Variants in DNAH14 observed in about 807,000 individuals in gnomAD.
DNAH14 encodes the protein axonemal beta dynein heavy chain 14.
A neutral mutation model predicts 520.9 loss-of-function variants in DNAH14; 478 were observed. The ratio of observed to expected loss-of-function variants is 0.92; its 90% confidence interval spans 0.85 to 0.99. DNAH14 has a LOEUF of 0.99. Among genes scored for constraint, DNAH14 ranks in the 50% least tolerant of loss-of-function variants. The pLI is 0.00. For synonymous variants in DNAH14, 1,581 were observed against 1,757.2 expected, an observed-to-expected ratio of 0.90 and a Z score of 2.51; for missense variants, 4,831 against 5,234.5, an observed-to-expected ratio of 0.92 and a Z score of 2.38.
intron 3 of DNAH14, among the ~76,000 whole-genome samples, chr1:224,959,080 G>C (rs1453226379): frequency 1.3e-5 from 2 of 152,110 alleles, no homozygotes; most frequent in African/African-American, 4.8e-5. Flanking sequence ...AGGGTTGCAT[G>C]TCAGTAGTGC....
intron 75 of DNAH14, among the ~76,000 whole-genome samples, chr1:225,363,844 A>T (rs2095521898): frequency 6.6e-6 from 1 of 152,232 alleles, no homozygotes. Flanking sequence ...TTACAAAGAA[A>T]AAAGTCTGTA....
chr1:225,274,949 C>G (rs2093429840), intron 52 of DNAH14, among the ~76,000 whole-genome samples: 1 of 152,224 alleles, frequency 6.6e-6, no homozygotes, highest in Non-Finnish European at 1.5e-5. Context: ...CATATCATTA[C>G]TCACTTTACA....
At chr1:225,361,878 C>CAATT (rs2095496187) in intron 75 of DNAH14, among the ~76,000 whole-genome samples, 1 of 152,032 alleles carries the variant, frequency 6.6e-6, no homozygotes, top group East Asian at 1.9e-4. Context: ...ATCAATCAAT[C>CAATT]AATACTATTA....
chr1:225,336,880 C>A (rs1038544037), intron 66 of DNAH14, among the ~76,000 whole-genome samples: 1 of 152,026 alleles, frequency 6.6e-6, no homozygotes, highest in Non-Finnish European at 1.5e-5. Context: ...TTGGTAGGTG[C>A]GAAATAGACT....
Position 224,960,097 on chromosome 1 carries a change from A to G in DNAH14, c.218-56A>G, listed in dbSNP as rs146638167. ...GTATTGCTGGGTATGTGGAATTACT[A>G]TGGTATTATTTACAGCTCACACTAG... is the stretch of plus-strand genomic sequence containing the variant. On this transcript the variant is annotated intron_variant, in intron 3 of 85. Coordinates refer to ENST00000682510, the MANE Select transcript of DNAH14 (RefSeq NM_001367479.1). 361 of 1,456,064 alleles carry G rather than the reference A, an allele frequency of 2.5e-4. 1 individual carries two copies. In the African/African-American group the frequency reaches 4.1e-3, roughly 17 times the overall value. The allele number at this position is 1,456,064 out of a possible 1,614,324, so 90.2% of individuals were successfully genotyped here.
At position 225,398,539 on chromosome 1, in the gene DNAH14, C is replaced by T; in HGVS notation, c.13511C>T (p.Thr4504Ile). Reference protein sequence around the residue: ...RAFKGSASSHTGVYIFGLFIE... With the variant: ...RAFKGSASSHIGVYIFGLFIE... Reference sequence around the variant, plus strand: ...TCTTAGGGCTCAGCTTCCTCTCACACTGGAGTTTACATTTTTGGTTTATTC... The same window carrying T: ...TCTTAGGGCTCAGCTTCCTCTCACATTGGAGTTTACATTTTTGGTTTATTC... The change falls in exon 85 of 86, where the codon ACT becomes ATT. Residue 4504 changes from threonine to isoleucine, a missense_variant. Coordinates refer to ENST00000682510, the MANE Select transcript of DNAH14 (RefSeq NM_001367479.1). 6.4e-7 allele frequency: 1 copy of T among 1,551,694 alleles called. No individual in the cohort carries two copies.
chr1:225,110,436 C>T (rs963216266), intron 23 of DNAH14, among the ~76,000 whole-genome samples: 3 of 151,810 alleles, frequency 2.0e-5, no homozygotes, highest in Admixed American at 1.3e-4. Context: ...TTATCCATTC[C>T]TACTAGATCT....
chr1:225,217,486 C>A (rs1453797936), intron 41 of DNAH14, among the ~76,000 whole-genome samples: 2 of 152,134 alleles, frequency 1.3e-5, no homozygotes, highest in Admixed American at 1.3e-4. Flanking sequence ...TTCAGCTATG[C>A]CCTGCCCCCA....
intron 49 of DNAH14, among the ~76,000 whole-genome samples, chr1:225,267,184 A>T (rs1373549866): frequency 6.6e-6 from 1 of 152,152 alleles, no homozygotes; most frequent in East Asian, 1.9e-4. Context: ...CTTTATCTTA[A>T]GATCACAGAT....
At chr1:224,961,649 A>G (rs752090015) in intron 4 of DNAH14, among the ~76,000 whole-genome samples, 8 of 152,138 alleles carry the variant, frequency 5.3e-5, no homozygotes, top group Non-Finnish European at 1.0e-4. Context: ...AACCACCCCC[A>G]TGATCCACTT....
At chr1:225,118,706 A>T (rs1042944876) in intron 25 of DNAH14, among the ~76,000 whole-genome samples, 6 of 151,972 alleles carry the variant, frequency 3.9e-5, no homozygotes, top group African/African-American at 1.5e-4. Context: ...AACATGGTGA[A>T]ACCCTATCTC....
At chr1:225,192,080 A>T (rs1384611726) in intron 37 of DNAH14, among the ~76,000 whole-genome samples, 2 of 152,062 alleles carry the variant, frequency 1.3e-5, no homozygotes, top group Non-Finnish European at 2.9e-5. Context: ...ATACATCTTG[A>T]TGCATATGGC....
chr1:224,967,580 A>C lies in DNAH14; in HGVS notation c.648A>C (p.Ser216=). The change falls in exon 6 of 86, where the codon TCA becomes TCC. Residue 216 remains serine (S), a synonymous_variant. Coordinates refer to ENST00000682510, the MANE Select transcript of DNAH14 (RefSeq NM_001367479.1). ...EFWVITASFI[S]KVINIVGSVK... ...GGGTTATTACTGCTTCATTTATCTC[A>C]AAGGTAATGTTTAATGGATGTTTTA... The C allele has an allele frequency of 1.2e-6, 2 of 1,601,334 alleles. No homozygotes were observed. The highest frequency in any genetic ancestry group is 1.7e-6 in the Non-Finnish European group (2 of 1,176,100).
At position 225,249,122 on chromosome 1, in the gene DNAH14, G is replaced by A. The variant is rs547286178; in HGVS notation, c.6749-3179G>A. Among the ~76,000 whole-genome samples, 5 of 152,258 alleles carry A rather than the reference G, an allele frequency of 3.3e-5. No homozygotes were observed. In the South Asian group the frequency reaches 1.0e-3, roughly 32 times the overall value. ...TCGTAGAGCCAATCCTCAGTCCACA[G>A]ACCTCAAACCAATACTGCATCCTGG... On this transcript the variant is annotated intron_variant, in intron 43 of 85. Coordinates refer to ENST00000682510, the MANE Select transcript of DNAH14 (RefSeq NM_001367479.1).
At chr1:225,220,090 T>C (rs2089889881) in intron 41 of DNAH14, among the ~76,000 whole-genome samples, 2 of 152,194 alleles carry the variant, frequency 1.3e-5, no homozygotes, top group African/African-American at 2.4e-5. Context: ...AGAAAAGGCC[T>C]TCGATATAAT....
intron 42 of DNAH14, among the ~76,000 whole-genome samples, chr1:225,234,518 G>C (rs114972318): frequency 7.6e-4 from 115 of 152,182 alleles, no homozygotes; most frequent in Non-Finnish European, 1.1e-3. Flanking sequence ...GGATTGGTTT[G>C]GCTATTCAGG....
chr1:225,067,479 C>G (rs1412946231), intron 17 of DNAH14, among the ~76,000 whole-genome samples: 5 of 152,056 alleles, frequency 3.3e-5, no homozygotes, highest in Non-Finnish European at 1.5e-5. Flanking sequence ...TGTGCATATA[C>G]CCAGTAATGG....
At position 225,315,983 on chromosome 1, in the gene DNAH14, G is replaced by A. The variant is rs2094460474; in HGVS notation, c.9241-2600G>A. On this transcript the variant is annotated intron_variant, in intron 60 of 85. Transcript: ENST00000682510. ...CCCTTCCTTCAGGTGCTCTGTCCCA[G>A]GCAGATGGGAGTTTTATCTATAAGC... Among the ~76,000 whole-genome samples the A allele has an allele frequency of 2.0e-5, 3 of 152,228 alleles. No homozygotes were observed. In the South Asian group the frequency reaches 6.2e-4, roughly 31 times the overall value.
intron 43 of DNAH14, among the ~76,000 whole-genome samples, chr1:225,244,667 A>T (rs2092171639): frequency 6.6e-6 from 1 of 152,082 alleles, no homozygotes; most frequent in South Asian, 2.1e-4. Context: ...CTCTGATGGT[A>T]GTTTGTATTT....
Sources: gnomAD v4.1 joint callset for allele counts (sites outside exome capture counted in the v4.1 genomes callset) on GRCh38, gnomAD v4.1.1 for gene constraint, MANE v1.5 for transcripts, NCBI Gene and HGNC (gene_info 2026-07-23, HGNC 2026-07-21) for gene names.